P2RY2: variants seen among roughly 807,000 people sequenced by gnomAD.
P2RY2 encodes the protein P2Y purinoceptor 2.
For synonymous variants in P2RY2, 241 were observed against 231.9 expected, an observed-to-expected ratio of 1.04 and a Z score of -0.35; for missense variants, 567 against 515.7, an observed-to-expected ratio of 1.10 and a Z score of -0.96.
rs762442760 is a variant in P2RY2, at chr11:73,234,875, C to G, written c.716C>G (p.Ala239Gly). 5 of 1,610,670 alleles carry G rather than the reference C, an allele frequency of 3.1e-6. No individual in the cohort carries two copies. The highest frequency in any genetic ancestry group is 4.2e-6 in the Non-Finnish European group (5 of 1,179,958). The change falls in exon 3 of 3, where the codon GCC (alanine) becomes GGC (glycine). Residue 239 changes from alanine (A) to glycine (G), a missense_variant. Transcript: ENST00000393597. ...GGGACCTCGGGCGGCCTGCCTAGGGCCAAGCGCAAGTCCGTGCGCACCATC... is the reference window on the plus strand; with the variant it reads ...GGGACCTCGGGCGGCCTGCCTAGGGGCAAGCGCAAGTCCGTGCGCACCATC... ...AYGTSGGLPR[A>G]KRKSVRTIAV... is the part of the protein sequence containing the mutation.
rs1210902745 is a variant in P2RY2, at chr11:73,241,425, C to G, written c.*6132C>G. On this transcript the variant is annotated 3_prime_UTR_variant, in exon 3 of 3. Coordinates refer to ENST00000393597, the MANE Select transcript of P2RY2 (RefSeq NM_002564.4). ...CATCTGGAAAATTGAACTGGTAATACCAATACCTCTTTTCCCGGTTTACTA... is the reference window on the plus strand; with the variant it reads ...CATCTGGAAAATTGAACTGGTAATAGCAATACCTCTTTTCCCGGTTTACTA... 6.6e-6 allele frequency: 1 copy of G among 152,532 alleles called. No individual in the cohort carries two copies. The highest frequency in any genetic ancestry group is 2.4e-5 in the African/African-American group (1 of 41,448). 9.4% of individuals were successfully genotyped at this position (152,532 alleles called of 1,614,324 possible). A position where few individuals can be genotyped will look rare whatever the true frequency, so the allele number is the denominator to read the frequency against.
chr11:73,220,832 C>T (rs1862097168), intron 1 of P2RY2, among the ~76,000 whole-genome samples: 1 of 152,130 alleles, frequency 6.6e-6, no homozygotes, highest in Admixed American at 6.5e-5. Flanking sequence ...GCCCTGGATG[C>T]ATGGGGCTCT....
chr11:73,236,619 C>T lies in P2RY2; in HGVS notation c.*1326C>T. 1.0e-6 allele frequency: 1 copy of T among 985,402 alleles called. No individual in the cohort carries two copies. The highest frequency in any genetic ancestry group is 1.2e-6 in the Non-Finnish European group (1 of 829,914). The allele number at this position is 985,402 out of a possible 1,614,324, so 61.0% of individuals were successfully genotyped here. On this transcript the variant is annotated 3_prime_UTR_variant, in exon 3 of 3. Coordinates refer to ENST00000393597, the MANE Select transcript of P2RY2 (RefSeq NM_002564.4). Reference sequence around the variant, plus strand: ...TGGACAGCTGACTCCAGGCTCAAGGCAGGGTTGGGGCTGGGTCACAAGGAG... The same window carrying T: ...TGGACAGCTGACTCCAGGCTCAAGGTAGGGTTGGGGCTGGGTCACAAGGAG...
At chr11:73,222,160 G>A (rs914192206) in intron 1 of P2RY2, among the ~76,000 whole-genome samples, 1 of 152,104 alleles carries the variant, frequency 6.6e-6, no homozygotes, top group Non-Finnish European at 1.5e-5. Flanking sequence ...CTGGAGTGAG[G>A]GAAAGGGACC....
rs367892607 is a variant in P2RY2 at position 73,234,115 on chromosome 11, C to A, written c.-4-41C>A. ...TGTGTCAGGTCCCCTAGGGGCGCTCCGGCCACAACCCTGATGGCCCCACCC... is the reference window on the plus strand; with the variant it reads ...TGTGTCAGGTCCCCTAGGGGCGCTCAGGCCACAACCCTGATGGCCCCACCC... On this transcript the variant is annotated intron_variant, in intron 2 of 2. Coordinates refer to ENST00000393597, the MANE Select transcript of P2RY2 (RefSeq NM_002564.4). 8 of 1,557,748 alleles carry A rather than the reference C, an allele frequency of 5.1e-6. No individual in the cohort carries two copies. The South Asian group carries it at 8.6e-5, about 17-fold the overall frequency.
In P2RY2 at chr11:73,234,583, CTGCG is replaced by C; in HGVS notation, c.425_428del (p.Leu142ProfsTer39). 4.4e-6 allele frequency: 7 copies of C among 1,576,110 alleles called. No homozygotes were observed. The highest frequency in any genetic ancestry group is 6.0e-6 in the Non-Finnish European group (7 of 1,160,348). On this transcript the variant is annotated frameshift_variant, in exon 3 of 3. Transcript: ENST00000393597. LOFTEE classifies it low-confidence loss of function (END_TRUNC). ...GGGCGTCTTACGACCTCTGCGCTCCCTGCGCTGGGGCCGGGCCCGCTACGCTCGC... is the reference window on the plus strand; with the variant it reads ...GGGCGTCTTACGACCTCTGCGCTCCCCTGGGGCCGGGCCCGCTACGCTCGC...
At chr11:73,229,082 A>G (rs1196177222) in intron 2 of P2RY2, among the ~76,000 whole-genome samples, 1 of 152,166 alleles carries the variant, frequency 6.6e-6, no homozygotes, top group African/African-American at 2.4e-5. Flanking sequence ...AGGGACAGAG[A>G]AAAGCATCAG....
Position 73,236,201 on chromosome 11 carries a change from T to C in P2RY2, c.*908T>C, listed in dbSNP as rs764545594. The C allele has an allele frequency of 1.1e-4, 108 of 998,478 alleles. No individual in the cohort carries two copies. Among genetic ancestry groups the C allele is most frequent in the Admixed American group, 1.2e-4 (2 of 16,258 alleles). The allele number at this position is 998,478 out of a possible 1,614,324, so 61.9% of individuals were successfully genotyped here. The stretch of plus-strand genomic sequence containing the variant: ...CCTTGAGATTTCCCAGTTTAGGTGA[T>C]GGCCAGTCATGTGCTGGTAAATGTT... On this transcript the variant is annotated 3_prime_UTR_variant, in exon 3 of 3. Transcript: ENST00000393597.
At chr11:73,222,342 C>T (rs1286492896) in intron 1 of P2RY2, among the ~76,000 whole-genome samples, 1 of 151,968 alleles carries the variant, frequency 6.6e-6, no homozygotes, top group Non-Finnish European at 1.5e-5. Context: ...AAGGGACCTG[C>T]TCCTCTCATG....
Position 73,234,419 on chromosome 11 carries a change from C to T in P2RY2, c.260C>T (p.Pro87Leu), listed in dbSNP as rs1276338491. The T allele has an allele frequency of 4.3e-6, 7 of 1,614,096 alleles. No individual in the cohort carries two copies. Among genetic ancestry groups the T allele is most frequent in the Admixed American group, 1.7e-5 (1 of 60,012 alleles). ...VSDALYAASL[P>L]LLVYYYARGD... The stretch of plus-strand genomic sequence containing the variant: ...GATGCACTGTATGCGGCCTCCCTGC[C>T]GCTGCTGGTCTATTACTACGCCCGC... Residue 87 changes from proline (P) to leucine (L), a missense_variant, in exon 3 of 3, where the codon CCG becomes CTG. Transcript: ENST00000393597.
rs927813349 is a variant in P2RY2, at chr11:73,236,996, A to T, written c.*1703A>T. 1.4e-5 allele frequency: 14 copies of T among 984,782 alleles called. No individual in the cohort carries two copies. The highest frequency in any genetic ancestry group is 1.8e-5 in the African/African-American group (1 of 57,116). The allele number at this position is 984,782 out of a possible 1,614,324, so 61.0% of individuals were successfully genotyped here. On this transcript the variant is annotated 3_prime_UTR_variant, in exon 3 of 3. Coordinates refer to ENST00000393597, the MANE Select transcript of P2RY2 (RefSeq NM_002564.4). Reference sequence around the variant, plus strand: ...TGGGAGAGCCCTCGCCCTGTGGCCCACTCTGCCTGCCCCCTCTGACCTCTC... The same window carrying T: ...TGGGAGAGCCCTCGCCCTGTGGCCCTCTCTGCCTGCCCCCTCTGACCTCTC...
rs966065014 is a variant in P2RY2, at chr11:73,239,347, G to A, written c.*4054G>A. The A allele has an allele frequency of 2.0e-5, 3 of 152,302 alleles. No homozygotes were observed. The highest frequency in any genetic ancestry group is 7.2e-5 in the African/African-American group (3 of 41,456). 9.4% of individuals were successfully genotyped at this position (152,302 alleles called of 1,614,324 possible). A position where few individuals can be genotyped will look rare whatever the true frequency, so the allele number is the denominator to read the frequency against. ...ACCACCTCTGCCCTGCTTGGCAGTA[G>A]GTGGATTTCAGGACCATGGGCCTGT... On this transcript the variant is annotated 3_prime_UTR_variant, in exon 3 of 3. Coordinates refer to ENST00000393597, the MANE Select transcript of P2RY2 (RefSeq NM_002564.4).
rs1862772060 is a variant in P2RY2, at chr11:73,241,462, T to C, written c.*6169T>C. 1 of 152,524 alleles carries C rather than the reference T, an allele frequency of 6.6e-6. No homozygotes were observed. The highest frequency in any genetic ancestry group is 2.4e-5 in the African/African-American group (1 of 41,448). The allele number at this position is 152,524 out of a possible 1,614,324, so 9.4% of individuals were successfully genotyped here. ...TTCCCGGTTTACTAGACAGAGACAA[T>C]GCAGTGAGGCACAAACATGCAACTG... On this transcript the variant is annotated 3_prime_UTR_variant, in exon 3 of 3. Coordinates refer to ENST00000393597, the MANE Select transcript of P2RY2 (RefSeq NM_002564.4).
At chr11:73,231,366 CA>C (rs1264134990) in intron 2 of P2RY2, among the ~76,000 whole-genome samples, 1 of 114,698 alleles carries the variant, frequency 8.7e-6, no homozygotes, top group Non-Finnish European at 1.7e-5. Context: ...GGCGACATGG[CA>C]AAACCCCATC....
chr11:73,229,712 C>T (rs2135639953), intron 2 of P2RY2, among the ~76,000 whole-genome samples: 1 of 152,226 alleles, frequency 6.6e-6, no homozygotes, highest in South Asian at 2.1e-4. Context: ...GGGAAGTCTC[C>T]ACCCCTCATC....
rs762594272 is a variant in P2RY2 at position 73,235,645 on chromosome 11, C to T, written c.*352C>T. On this transcript the variant is annotated 3_prime_UTR_variant, in exon 3 of 3. Coordinates refer to ENST00000393597, the MANE Select transcript of P2RY2 (RefSeq NM_002564.4). Reference sequence around the variant, plus strand: ...AATCAAGTCAAATGGAGAAACAGGCCCAGAGAGGAAGGTGGCTTACCAAGA... The same window carrying T: ...AATCAAGTCAAATGGAGAAACAGGCTCAGAGAGGAAGGTGGCTTACCAAGA... 1.2e-4 allele frequency: 125 copies of T among 1,036,112 alleles called. No individual in the cohort carries two copies. The highest frequency in any genetic ancestry group is 1.4e-4 in the Non-Finnish European group (120 of 854,620). The allele number at this position is 1,036,112 out of a possible 1,614,324, so 64.2% of individuals were successfully genotyped here.
intron 2 of P2RY2, chr11:73,233,898 A>G (rs1591638171): frequency 1.9e-6 from 1 of 526,188 alleles, no homozygotes; most frequent in South Asian, 2.7e-5. Context: ...TTGTGTTCCA[A>G]CAAAGCTGAA....
chr11:73,233,155 C>G (rs1260077864), intron 2 of P2RY2, among the ~76,000 whole-genome samples: 2 of 152,222 alleles, frequency 1.3e-5, no homozygotes, highest in East Asian at 3.8e-4. Context: ...CCCCCTATCC[C>G]TATCTCCAAC....
At chr11:73,228,993 CTTCATTCATTCA>C (rs58289514) in intron 2 of P2RY2, among the ~76,000 whole-genome samples, 6 of 150,224 alleles carry the variant, frequency 4.0e-5, no homozygotes, top group Non-Finnish European at 8.9e-5. Flanking sequence ...CTTGTGCTTG[CTTCATTCATTCA>C]TTCATTCATT....
Sources: gnomAD v4.1 joint callset for allele counts (sites outside exome capture counted in the v4.1 genomes callset) on GRCh38, gnomAD v4.1.1 for gene constraint, MANE v1.5 for transcripts, NCBI Gene and HGNC (gene_info 2026-07-23, HGNC 2026-07-21) for gene names.